ANO6: variants seen among roughly 807,000 people sequenced by gnomAD.
The protein encoded by ANO6 is anoctamin 6.
In ANO6, 106 loss-of-function variants were observed where a neutral mutation model predicts 117.5. The observed-to-expected ratio is 0.90, with a 90% CI of 0.77 to 1.06. ANO6 has a LOEUF of 1.06. Ranked by LOEUF, ANO6 falls within the 50% of genes least tolerant of loss-of-function variation. The pLI, the probability that ANO6 is intolerant of heterozygous loss-of-function variation, is 0.00. For synonymous variants in ANO6, 367 were observed against 385.1 expected (o/e 0.95, Z 0.55); for missense variants, 955 against 1,121.1 (o/e 0.85, Z 2.12).
intron 16 of ANO6, among the ~76,000 whole-genome samples, chr12:45,412,528 G>A (rs576203254): frequency 1.4e-4 from 21 of 152,112 alleles, no homozygotes; most frequent in African/African-American, 2.2e-4. Context: ...TGAACCCACC[G>A]ATGCCTCTGC....
chr12:45,383,620 A>G (rs1168409941), intron 10 of ANO6, among the ~76,000 whole-genome samples: 1 of 152,208 alleles, frequency 6.6e-6, no homozygotes, highest in Non-Finnish European at 1.5e-5. Context: ...AAACAATATT[A>G]ATCTCTGTAC....
rs1455736638 is a variant in ANO6, at chr12:45,349,039, AGTT to A, written c.747+412_747+414del. Among the ~76,000 whole-genome samples the A allele has an allele frequency of 4.6e-5, 7 of 152,248 alleles. No individual in the cohort carries two copies. The South Asian group carries it at 1.5e-3, about 32-fold the overall frequency. On this transcript the variant is annotated intron_variant, in intron 6 of 19. Transcript: ENST00000320560. ...GGATAAATTATTACCTACCTCCTAG[AGTT>A]GTTAAGAGGATTAAATTAATCCATT... is the stretch of plus-strand genomic sequence containing the variant.
At chr12:45,228,004 A>G (rs950888718) in intron 1 of ANO6, among the ~76,000 whole-genome samples, 1 of 152,168 alleles carries the variant, frequency 6.6e-6, no homozygotes, top group Non-Finnish European at 1.5e-5. Flanking sequence ...GGGAAATCTT[A>G]GCAAAAGATC....
intron 1 of ANO6, among the ~76,000 whole-genome samples, chr12:45,257,343 A>AACCCCAGTCTGCCCGTCCTGGGGCC (rs1382912329): frequency 6.6e-6 from 1 of 152,102 alleles, no homozygotes; most frequent in Non-Finnish European, 1.5e-5. Flanking sequence ...GCTCATTGTT[A>AACCCCAGTCTGCCCGTCCTGGGGCC]ACCCCAGTCT....
intron 1 of ANO6, among the ~76,000 whole-genome samples, chr12:45,299,352 C>T (rs972325781): frequency 6.6e-6 from 1 of 152,186 alleles, no homozygotes; most frequent in East Asian, 1.9e-4. Flanking sequence ...TTAATTTTGG[C>T]AATGGTTGCA....
chr12:45,359,446 C>T (rs1941497890), intron 8 of ANO6, among the ~76,000 whole-genome samples: 1 of 151,658 alleles, frequency 6.6e-6, no homozygotes. Context: ...CACTCACTCC[C>T]TAATCCCTCT....
chr12:45,376,923 T>C (rs1219683165), intron 9 of ANO6, among the ~76,000 whole-genome samples: 1 of 151,810 alleles, frequency 6.6e-6, no homozygotes, highest in Non-Finnish European at 1.5e-5. Context: ...CAATTTAGGA[T>C]TATGCTTGCT....
At chr12:45,250,001 G>T (rs1947878355) in intron 1 of ANO6, among the ~76,000 whole-genome samples, 1 of 152,168 alleles carries the variant, frequency 6.6e-6, no homozygotes, top group Non-Finnish European at 1.5e-5. Context: ...CCTGTTTCCT[G>T]TAAACTGTTC....
intron 2 of ANO6, among the ~76,000 whole-genome samples, chr12:45,329,520 C>T (rs1163982229): frequency 1.3e-5 from 2 of 152,098 alleles, no homozygotes; most frequent in Non-Finnish European, 2.9e-5. Context: ...CCAACCTGTG[C>T]CACTGTGCAA....
At chr12:45,239,570 A>G (rs1406707543) in intron 1 of ANO6, among the ~76,000 whole-genome samples, 1 of 147,840 alleles carries the variant, frequency 6.8e-6, no homozygotes, top group Non-Finnish European at 1.5e-5. Flanking sequence ...GATCTTAGTT[A>G]TTTCTTGTCT....
intron 1 of ANO6, among the ~76,000 whole-genome samples, chr12:45,224,979 G>C (rs899185536): frequency 1.3e-5 from 2 of 152,234 alleles, no homozygotes; most frequent in South Asian, 4.1e-4. Flanking sequence ...TTGCTTGAGC[G>C]AAAGAGTTTG....
In ANO6 at chr12:45,402,998, T is replaced by G. The variant is rs1592023152; in HGVS notation, c.1613-74T>G. ...AACGTGTTTAACGTGTTAACTCATGTATCAGTATTTTTTATTAGAGTCTCA... is the reference window on the plus strand; with the variant it reads ...AACGTGTTTAACGTGTTAACTCATGGATCAGTATTTTTTATTAGAGTCTCA... On this transcript the variant is annotated intron_variant, in intron 13 of 19. Transcript: ENST00000320560. 13 of 1,339,322 alleles carry G rather than the reference T, an allele frequency of 9.7e-6. No individual in the cohort carries two copies. The East Asian group carries it at 3.0e-4, about 31-fold the overall frequency. 83.0% of individuals were successfully genotyped at this position (1,339,322 alleles called of 1,614,324 possible).
intron 1 of ANO6, among the ~76,000 whole-genome samples, chr12:45,247,815 T>C (rs1947848127): frequency 6.6e-6 from 1 of 152,196 alleles, no homozygotes; most frequent in South Asian, 2.1e-4. Flanking sequence ...CCTCATCTAA[T>C]CCCAATGACC....
chr12:45,409,277 C>T (rs763080779), intron 15 of ANO6, 80 bp from the exon 16 acceptor site: 69 of 1,557,784 alleles, frequency 4.4e-5, no homozygotes, highest in Non-Finnish European at 5.5e-5. Context: ...ACTTGTGCAG[C>T]TTTGAGATAG....
chr12:45,410,917 T>C (rs58640880), intron 16 of ANO6, among the ~76,000 whole-genome samples: 1 of 152,182 alleles, frequency 6.6e-6, no homozygotes, highest in Non-Finnish European at 1.5e-5. Flanking sequence ...CTGGAGCCTG[T>C]TTTGAATTTC....
chr12:45,307,396 A>C (rs1435421620), intron 2 of ANO6, among the ~76,000 whole-genome samples: 24 of 152,132 alleles, frequency 1.6e-4, no homozygotes, highest in Non-Finnish European at 5.9e-5. Context: ...TTGTTGACAG[A>C]TCAAATGTGA....
At position 45,409,787 on chromosome 12, in the gene ANO6, A is replaced by G. The variant is rs12580984; in HGVS notation, c.2011+300A>G. ...TTTGTTTTTTTTGAGACAGAGTCTC[A>G]CTCTGTAGCCCAGGCTGGAGTGTGG... On this transcript the variant is annotated intron_variant, in intron 16 of 19. Transcript: ENST00000320560. Among the ~76,000 whole-genome samples the G allele has an allele frequency of 0.17, 26,278 of 151,966 alleles. 3,334 individuals are homozygous for G. Among genetic ancestry groups the G allele is most frequent in the East Asian group, 0.46 (2,359 of 5,162 alleles).
chr12:45,403,088 G>T lies in ANO6; in HGVS notation c.1629G>T (p.Gln543His). The T allele has an allele frequency of 1.2e-6, 2 of 1,613,914 alleles. No homozygotes were observed. The highest frequency in any genetic ancestry group is 1.7e-6 in the Non-Finnish European group (2 of 1,179,924). The change falls in exon 14 of 20, where the codon CAG becomes CAT. Residue 543 changes from glutamine to histidine, a missense_variant. Gln to His is a conservative substitution (Grantham distance 24). Transcript: ENST00000320560. ...TAACTACAGAACTCCCAAGGACCCA[G>T]ACTGATTATGAGAACAGCCTCACCA... ...MITNFELPRT[Q>H]TDYENSLTMK...
intron 10 of ANO6, among the ~76,000 whole-genome samples, chr12:45,381,487 C>G (rs930169889): frequency 2.0e-5 from 3 of 152,180 alleles, no homozygotes; most frequent in African/African-American, 7.2e-5. Flanking sequence ...TTGGTGCCCT[C>G]AATCTGGGAC....
Sources: allele counts gnomAD v4.1 joint callset (sites outside exome capture counted in the v4.1 genomes callset), GRCh38; gene constraint gnomAD v4.1.1; transcripts MANE v1.5; gene names NCBI Gene and HGNC (gene_info 2026-07-23, HGNC 2026-07-21).